Variants in ALDH9A1 observed in about 807,000 individuals in gnomAD.
The protein encoded by ALDH9A1 is aldehyde dehydrogenase 9 family member A1.
ALDH9A1 carries 42 observed loss-of-function variants against 56.6 expected under a neutral mutation model. The ratio of observed to expected loss-of-function variants is 0.74; its 90% CI spans 0.58 to 0.96. The LOEUF is 0.96. Among genes scored for constraint, ALDH9A1 ranks in the 40% least tolerant of loss-of-function variants. The probability of loss-of-function intolerance (pLI) is 0.00; values close to 1 mark genes in which losing one functional copy is unlikely to be tolerated. For missense variants in ALDH9A1, 661 were observed against 651.5 expected (o/e 1.01, Z -0.16); for synonymous variants, 242 against 236.0 (o/e 1.03, Z -0.23).
chr1:165,679,723 G>C (rs953020981), intron 5 of ALDH9A1, 141 bp from the exon 6 acceptor site: 2 of 885,716 alleles, frequency 2.3e-6, no homozygotes, highest in African/African-American at 1.7e-5. Context: ...TTTGCCTTTT[G>C]GCTATTAAAA....
At chr1:165,678,586 G>A (rs1454725290) in intron 6 of ALDH9A1, among the ~76,000 whole-genome samples, 2 of 152,154 alleles carry the variant, frequency 1.3e-5, no homozygotes, top group Non-Finnish European at 2.9e-5. Flanking sequence ...ATCGTCAGTG[G>A]TGATAGAAGT....
In ALDH9A1 at chr1:165,668,009, T is replaced by C. The variant is rs147401786; in HGVS notation, c.1208-559A>G. On this transcript the variant is annotated intron_variant, in intron 8 of 10. Coordinates refer to ENST00000354775, the MANE Select transcript of ALDH9A1 (RefSeq NM_000696.4). ...AGAATGATAAAAACAACACTGAGAA[T>C]AGTAGTTACCTCTGAAGTAGGAGGG... 6.8e-4 allele frequency among the ~76,000 whole-genome samples: 103 copies of C among 152,164 alleles called. 1 individual carries two copies. In the East Asian group the frequency reaches 0.019, roughly 27 times the overall value.
chr1:165,679,424 C>A lies in ALDH9A1; in HGVS notation c.930+18G>T, dbSNP rs1392429670. On this transcript the variant is annotated intron_variant, in intron 6 of 10. Transcript: ENST00000354775. ...GGTAGAGATTCCTTTTACACCTCTT[C>A]CAGGGACAGGTACATACCTGGCCTT... 1.2e-6 allele frequency: 2 copies of A among 1,613,338 alleles called. No individual in the cohort carries two copies. Among genetic ancestry groups the A allele is most frequent in the Non-Finnish European group, 1.7e-6 (2 of 1,179,552 alleles).
At chr1:165,682,710 GT>G in intron 3 of ALDH9A1, 4 of 376,272 alleles carry the variant, frequency 1.1e-5, no homozygotes, top group Non-Finnish European at 4.7e-6. Flanking sequence ...ATGAAAACTG[GT>G]TTTTCAGCAA....
Position 165,668,987 on chromosome 1 carries a change from A to G in ALDH9A1, c.1146T>C (p.Asp382=). The stretch of plus-strand genomic sequence containing the variant: ...ATTTGGGATCTTCAGGTACATATAT[A>G]TCTCCACCACATAACACTTTAGCAC... The part of the protein sequence containing the change: ...EQGAKVLCGG[D]IYVPEDPKLK... The change falls in exon 8 of 11, where the codon GAT becomes GAC. Residue 382 remains aspartate, a synonymous_variant. Coordinates refer to ENST00000354775, the MANE Select transcript of ALDH9A1 (RefSeq NM_000696.4). 6.2e-7 allele frequency: 1 copy of G among 1,612,024 alleles called. No homozygotes were observed. Among genetic ancestry groups the G allele is most frequent in the Non-Finnish European group, 8.5e-7 (1 of 1,178,398 alleles).
At chr1:165,668,853 T>A in intron 8 of ALDH9A1, 73 bp downstream of exon 8, 1 of 1,224,170 alleles carries the variant, frequency 8.2e-7, no homozygotes, top group Non-Finnish European at 1.2e-6. Context: ...ATGTACATAT[T>A]TTATAAATAT....
chr1:165,696,548 C>T (rs1391373576), intron 1 of ALDH9A1, among the ~76,000 whole-genome samples: 1 of 152,066 alleles, frequency 6.6e-6, no homozygotes, highest in Non-Finnish European at 1.5e-5. Context: ...ATAAGGCAAC[C>T]CTAAAGGAAC....
intron 2 of ALDH9A1, among the ~76,000 whole-genome samples, chr1:165,684,399 T>C (rs1408707203): frequency 6.6e-6 from 1 of 152,178 alleles, no homozygotes; most frequent in African/African-American, 2.4e-5. Flanking sequence ...ACCAACAATT[T>C]ACCTTCTCCC....
chr1:165,689,387 G>A (rs900654957), intron 2 of ALDH9A1, among the ~76,000 whole-genome samples: 5 of 152,166 alleles, frequency 3.3e-5, no homozygotes, highest in African/African-American at 1.2e-4. Context: ...CCTGAAACAT[G>A]TGCTTATACT....
chr1:165,668,990 T>G lies in ALDH9A1; in HGVS notation c.1143A>C (p.Gly381=). ...TGGGATCTTCAGGTACATATATATCTCCACCACATAACACTTTAGCACCCT... is the reference window on the plus strand; with the variant it reads ...TGGGATCTTCAGGTACATATATATCGCCACCACATAACACTTTAGCACCCT... ...KEQGAKVLCG[G]DIYVPEDPKL... Residue 381 remains glycine, a synonymous_variant, in exon 8 of 11, where the codon GGA becomes GGC. Coordinates refer to ENST00000354775, the MANE Select transcript of ALDH9A1 (RefSeq NM_000696.4). 1 of 1,611,588 alleles carries G rather than the reference T, an allele frequency of 6.2e-7. No homozygotes were observed. The highest frequency in any genetic ancestry group is 8.5e-7 in the Non-Finnish European group (1 of 1,178,358).
chr1:165,671,522 A>C (rs1571168462), intron 6 of ALDH9A1: 2 of 458,792 alleles, frequency 4.4e-6, no homozygotes, highest in Middle Eastern at 7.9e-4. Context: ...GACCGCTCCT[A>C]ATCTCCCTGA....
intron 1 of ALDH9A1, among the ~76,000 whole-genome samples, chr1:165,696,817 G>A (rs1196499166): frequency 6.6e-6 from 1 of 152,180 alleles, no homozygotes; most frequent in Admixed American, 6.5e-5. Context: ...TGGTAAAGGC[G>A]GTGGCTGAGG....
intron 6 of ALDH9A1, among the ~76,000 whole-genome samples, chr1:165,673,351 G>T (rs552445766): frequency 1.3e-5 from 2 of 152,318 alleles, no homozygotes; most frequent in South Asian, 2.1e-4. Context: ...TACTGCTGGT[G>T]AGAATATAAA....
chr1:165,685,493 A>G (rs1216574921), intron 2 of ALDH9A1, among the ~76,000 whole-genome samples: 1 of 152,230 alleles, frequency 6.6e-6, no homozygotes, highest in African/African-American at 2.4e-5. Flanking sequence ...GAAGGAAAAA[A>G]TGGAGGGAGG....
chr1:165,689,935 A>C (rs975052690), intron 2 of ALDH9A1, among the ~76,000 whole-genome samples: 9 of 82,258 alleles, frequency 1.1e-4, no homozygotes, highest in Non-Finnish European at 1.7e-4. Context: ...CTCCATCACA[A>C]AAAAAAAATA....
chr1:165,697,958 G>C (rs531310004), intron 1 of ALDH9A1, among the ~76,000 whole-genome samples: 1 of 152,310 alleles, frequency 6.6e-6, no homozygotes, highest in South Asian at 2.1e-4. Context: ...GAGCCCGTAA[G>C]GTAGAGGGCG....
chr1:165,675,687 T>A (rs1439968431), intron 6 of ALDH9A1, among the ~76,000 whole-genome samples: 1 of 152,156 alleles, frequency 6.6e-6, no homozygotes, highest in Non-Finnish European at 1.5e-5. Context: ...TCAGCAAGGA[T>A]GGGGGAAATA....
rs1650093964 is a variant in ALDH9A1, at chr1:165,696,611, T to C, written c.182-1214A>G. On this transcript the variant is annotated intron_variant, in intron 1 of 10. Transcript: ENST00000354775. The stretch of plus-strand genomic sequence containing the variant: ...TTTCCTTTTCTTATTCCACCTTTAT[T>C]CCCTCTCCCTATTCTGGTGCAAATT... Among the ~76,000 whole-genome samples, 3 of 152,188 alleles carry C rather than the reference T, an allele frequency of 2.0e-5. No homozygotes were observed. The South Asian group carries it at 6.2e-4, about 32-fold the overall frequency.
At chr1:165,673,120 C>T (rs1185463319) in intron 6 of ALDH9A1, among the ~76,000 whole-genome samples, 1 of 122,346 alleles carries the variant, frequency 8.2e-6, no homozygotes, top group South Asian at 2.6e-4. Context: ...AAAAAAAAAA[C>T]CTCTGATTAC....
Sources: gnomAD v4.1 joint callset for allele counts (sites outside exome capture counted in the v4.1 genomes callset) on GRCh38, gnomAD v4.1.1 for gene constraint, MANE v1.5 for transcripts, NCBI Gene and HGNC (gene_info 2026-07-23, HGNC 2026-07-21) for gene names.